The following NUP88 variants were observed in gnomAD, a reference collection of about 807,000 sequenced individuals.
The protein encoded by NUP88 is nuclear pore complex protein Nup88.
NUP88 carries 57 observed loss-of-function variants against 93.9 expected under a neutral mutation model. That is an observed-to-expected ratio of 0.61 (90% CI 0.49 to 0.76). The LOEUF (loss-of-function observed/expected upper bound fraction) is 0.76. Ranked by LOEUF, NUP88 falls within the 30% of genes least tolerant of loss-of-function variation. The pLI is 0.00. For missense variants in NUP88, 911 were observed against 901.0 expected (o/e 1.01, Z -0.14); for synonymous variants, 346 against 336.8 (o/e 1.03, Z -0.30).
At chr17:5,388,487 G>A (rs550426412) in intron 11 of NUP88, 330 of 192,966 alleles carry the variant, frequency 1.7e-3, no homozygotes, top group Middle Eastern at 4.1e-3. Context: ...ATGGGGTTTT[G>A]CTGTGTTAGC....
At chr17:5,410,936 T>C in intron 3 of NUP88, 147 bp from the exon 4 acceptor site, 1 of 624,314 alleles carries the variant, frequency 1.6e-6, no homozygotes, top group Admixed American at 3.0e-5. Flanking sequence ...TGTTGCAAAG[T>C]AGTCTAGTTC....
At position 5,387,817 on chromosome 17, in the gene NUP88, A is replaced by C; in HGVS notation, c.1731T>G (p.Ile577Met). The C allele has an allele frequency of 3.1e-6, 5 of 1,613,774 alleles. No individual in the cohort carries two copies. Among genetic ancestry groups the C allele is most frequent in the Non-Finnish European group, 4.2e-6 (5 of 1,179,922 alleles). ...RATQVFREQY[I>M]LKQDLAKEEI... ...CCTCCTTTGCCAAGTCCTGTTTGAG[A>C]ATGTACTGCTCTCTGAACACCTGGG... Residue 577 changes from isoleucine to methionine, a missense_variant, in exon 12 of 17, where the codon ATT becomes ATG. By Grantham distance (10) the Ile-to-Met change is conservative. Coordinates refer to ENST00000573584, the MANE Select transcript of NUP88 (RefSeq NM_002532.6).
chr17:5,392,488 G>C (rs556613646), intron 9 of NUP88, among the ~76,000 whole-genome samples: 20 of 152,258 alleles, frequency 1.3e-4, no homozygotes, highest in Non-Finnish European at 2.8e-4. Context: ...TTTTGGACAA[G>C]ACATGGAGAC....
At position 5,388,976 on chromosome 17, in the gene NUP88, G is replaced by A; in HGVS notation, c.1485-16C>T. 6.3e-7 allele frequency: 1 copy of A among 1,585,302 alleles called. No individual in the cohort carries two copies. The highest frequency in any genetic ancestry group is 8.6e-7 in the Non-Finnish European group (1 of 1,164,132). On this transcript the variant is annotated splice_polypyrimidine_tract_variant and intron_variant, in intron 10 of 16. Coordinates refer to ENST00000573584, the MANE Select transcript of NUP88 (RefSeq NM_002532.6). ...GACTGTACTTCTGCAAAATAAGTAAGTAAATTGAATTCTACCATGGAGTGA... is the reference window on the plus strand; with the variant it reads ...GACTGTACTTCTGCAAAATAAGTAAATAAATTGAATTCTACCATGGAGTGA...
chr17:5,419,546 A>C lies in NUP88; in HGVS notation c.105T>G (p.Ser35Arg). Reference protein sequence around the residue: ...LRLREGLKNQSPTEAEKPASS... With the variant: ...LRLREGLKNQRPTEAEKPASS... ...AAGCTGGTTTCTCAGCTTCGGTTGG[A>C]CTCTGGTTTTTCAGTCCCTCCCGGA... is the stretch of plus-strand genomic sequence containing the variant. Residue 35 changes from serine (S) to arginine (R), a missense_variant, in exon 1 of 17, where the codon AGT (serine) becomes AGG (arginine). Coordinates refer to ENST00000573584, the MANE Select transcript of NUP88 (RefSeq NM_002532.6). 2 of 1,613,256 alleles carry C rather than the reference A, an allele frequency of 1.2e-6. No individual in the cohort carries two copies. Among genetic ancestry groups the C allele is most frequent in the Non-Finnish European group, 1.7e-6 (2 of 1,179,518 alleles).
chr17:5,404,288 T>A (rs1490742813), intron 6 of NUP88, 42 bp from the exon 7 acceptor site: 1 of 1,605,040 alleles, frequency 6.2e-7, no homozygotes, highest in African/African-American at 1.3e-5. Flanking sequence ...GCATGTTAAT[T>A]TGAAAATGTA....
chr17:5,418,285 GCT>G (rs1914314347), intron 1 of NUP88: 1 of 152,074 alleles, frequency 6.6e-6, no homozygotes, highest in Non-Finnish European at 1.5e-5. Context: ...ACACAGTCTT[GCT>G]CTGTTGCCCA....
chr17:5,399,752 G>A (rs755376380), intron 7 of NUP88, 102 bp from the exon 8 acceptor site: 57 of 547,554 alleles, frequency 1.0e-4, no homozygotes, highest in Admixed American at 4.9e-4. Flanking sequence ...AAACGCATTT[G>A]TTGATGGAAG....
chr17:5,411,807 A>G (rs1471279364), intron 3 of NUP88, among the ~76,000 whole-genome samples: 1 of 152,192 alleles, frequency 6.6e-6, no homozygotes, highest in Non-Finnish European at 1.5e-5. Context: ...GACGCCACTA[A>G]GAATTTTTTA....
chr17:5,416,166 A>AATATATATATATATAT (rs1914129874), intron 2 of NUP88, among the ~76,000 whole-genome samples: 3 of 57,978 alleles, frequency 5.2e-5, no homozygotes, highest in African/African-American at 6.8e-5. Flanking sequence ...AAAAAAAAAA[A>AATATATATATATATAT]GTATATATAT....
At chr17:5,388,982 T>G (rs1912237836) in intron 10 of NUP88, 22 bp from the exon 11 acceptor site, 1 of 1,576,966 alleles carries the variant, frequency 6.3e-7, no homozygotes. Flanking sequence ...GTAAGTAAAT[T>G]GAATTCTACC....
chr17:5,415,974 G>A (rs12602959), intron 2 of NUP88, among the ~76,000 whole-genome samples: 65,616 of 150,578 alleles, frequency 0.44, 15,031 homozygotes, highest in East Asian at 0.84. Context: ...GTGAAACCCC[G>A]TCTCTACTAA....
chr17:5,399,617 T>C lies in NUP88; in HGVS notation c.1226A>G (p.His409Arg), dbSNP rs759339254. Reference protein sequence around the residue: ...PKCPSRYHCTHEAGVHSVGLT... With the variant: ...PKCPSRYHCTREAGVHSVGLT... ...CCCAACACTATGTACACCAGCTTCA[T>C]GAGTACAGTGATATCTTGAAGGACA... is the stretch of plus-strand genomic sequence containing the variant. The change falls in exon 8 of 17, where the codon CAT (histidine) becomes CGT (arginine). Residue 409 changes from histidine (H) to arginine (R), a missense_variant. Coordinates refer to ENST00000573584, the MANE Select transcript of NUP88 (RefSeq NM_002532.6). The C allele has an allele frequency of 2.5e-6, 4 of 1,606,414 alleles. No homozygotes were observed. The highest frequency in any genetic ancestry group is 1.1e-5 in the South Asian group (1 of 90,390).
At chr17:5,393,897 T>TA (rs1330564886) in intron 9 of NUP88, among the ~76,000 whole-genome samples, 9 of 152,200 alleles carry the variant, frequency 5.9e-5, no homozygotes, top group African/African-American at 2.2e-4. Context: ...ACAGAGTGCT[T>TA]ATGAGATATC....
rs772144194 is a variant in NUP88, at chr17:5,387,022, G to GT, written c.2004dup (p.Pro669ThrfsTer2). ...TTGCCCAAATGTCGAAGTTGATCAG[G>GT]TATCAGCTGTAATTCTTTCTTCATG... On this transcript the variant is annotated frameshift_variant, in exon 15 of 17. Coordinates refer to ENST00000573584, the MANE Select transcript of NUP88 (RefSeq NM_002532.6). LOFTEE classifies it high-confidence loss of function. The GT allele has an allele frequency of 1.2e-6, 2 of 1,613,896 alleles. No homozygotes were observed. Among genetic ancestry groups the GT allele is most frequent in the African/African-American group, 2.7e-5 (2 of 74,902 alleles).
At chr17:5,398,552 A>C (rs1219347443) in intron 8 of NUP88, among the ~76,000 whole-genome samples, 74 of 151,304 alleles carry the variant, frequency 4.9e-4, no homozygotes, top group Non-Finnish European at 1.5e-5. Flanking sequence ...TGGCCTCCCA[A>C]AGTGCTGGGA....
chr17:5,399,181 G>A (rs896551579), intron 8 of NUP88, among the ~76,000 whole-genome samples: 6 of 137,642 alleles, frequency 4.4e-5, no homozygotes, highest in South Asian at 2.5e-4. Flanking sequence ...GTGAGCCACC[G>A]CACCCGGCCT....
intron 4 of NUP88, 44 bp from the exon 5 acceptor site, chr17:5,408,953 C>A: frequency 4.2e-6 from 6 of 1,444,854 alleles, no homozygotes; most frequent in South Asian, 2.9e-5. Context: ...ACAAAAACAA[C>A]AAAAAGTAAA....
chr17:5,404,997 T>A, intron 6 of NUP88, 60 bp downstream of exon 6: 9 of 1,391,492 alleles, frequency 6.5e-6, no homozygotes, highest in Non-Finnish European at 8.8e-6. Flanking sequence ...AGCATTCATA[T>A]TGGGTCAGGA....
Sources: gnomAD v4.1 joint callset for allele counts (sites outside exome capture counted in the v4.1 genomes callset) on GRCh38, gnomAD v4.1.1 for gene constraint, MANE v1.5 for transcripts, NCBI Gene and HGNC (gene_info 2026-07-23, HGNC 2026-07-21) for gene names.